Variants in LARP1B observed in about 807,000 individuals in gnomAD.
LARP1B encodes la-related protein 1B.
LARP1B carries 76 observed loss-of-function variants against 114.2 expected under a neutral mutation model. The ratio of observed to expected loss-of-function variants is 0.67; its 90% CI spans 0.55 to 0.81. The LOEUF is 0.81. Ranked by LOEUF, LARP1B falls within the 30% of genes least tolerant of loss-of-function variation. The probability of loss-of-function intolerance (pLI) is 0.00; values close to 1 mark genes in which losing one functional copy is unlikely to be tolerated. For synonymous variants in LARP1B, 345 were observed against 348.0 expected, an observed-to-expected ratio of 0.99 and a Z score of 0.10; for missense variants, 1,014 against 1,075.8, an observed-to-expected ratio of 0.94 and a Z score of 0.80.
chr4:128,200,796 T>G (rs1755700395), intron 17 of LARP1B, 131 bp downstream of exon 17: 2 of 573,390 alleles, frequency 3.5e-6, no homozygotes, highest in Non-Finnish European at 5.9e-6. Context: ...GTAGCCTGAT[T>G]TTGAACCGTG....
At chr4:128,147,511 A>G (rs967677137) in intron 11 of LARP1B, among the ~76,000 whole-genome samples, 4 of 152,228 alleles carry the variant, frequency 2.6e-5, no homozygotes, top group African/African-American at 7.2e-5. Context: ...GAAGGGGAAC[A>G]GTAAAAAAGA....
At chr4:128,199,414 G>A in intron 15 of LARP1B, 25 bp from the exon 16 acceptor site, 1 of 1,457,976 alleles carries the variant, frequency 6.9e-7, no homozygotes, top group Non-Finnish European at 9.1e-7. Context: ...TCATTTTGAA[G>A]GCTTTTTTCC....
rs958337564 is a variant in LARP1B at position 128,110,286 on chromosome 4, A to AT, written c.988+2981dup. ...ACAAGTATTAAATATATGTATCTAA[A>AT]TTTTTTTTGTTTCTAAGTAGTTTAA... On this transcript the variant is annotated intron_variant, in intron 9 of 19. Transcript: ENST00000326639. Among the ~76,000 whole-genome samples, 13 of 151,968 alleles carry AT rather than the reference A, an allele frequency of 8.6e-5. No homozygotes were observed. In the South Asian group the frequency reaches 1.9e-3, roughly 22 times the overall value.
intron 12 of LARP1B, among the ~76,000 whole-genome samples, chr4:128,176,514 G>T (rs566246827): frequency 6.6e-6 from 1 of 151,714 alleles, no homozygotes; most frequent in East Asian, 1.9e-4. Context: ...GGCTGGTCTC[G>T]AGCTGCTGAC....
intron 9 of LARP1B, among the ~76,000 whole-genome samples, chr4:128,110,534 G>A (rs536658011): frequency 5.7e-4 from 85 of 149,744 alleles, no homozygotes; most frequent in African/African-American, 2.0e-3. Flanking sequence ...AAAATTAGCC[G>A]GGCGTAGTGG....
chr4:128,202,455 A>G (rs1202474041), intron 17 of LARP1B, among the ~76,000 whole-genome samples: 2 of 152,244 alleles, frequency 1.3e-5, no homozygotes, highest in Admixed American at 6.5e-5. Flanking sequence ...CAAAACATAT[A>G]TCTTTTTATG....
intron 1 of LARP1B, among the ~76,000 whole-genome samples, chr4:128,067,246 A>G (rs935635749): frequency 1.3e-5 from 2 of 152,198 alleles, no homozygotes; most frequent in African/African-American, 2.4e-5. Flanking sequence ...TATAAATTGT[A>G]TAATTCTACA....
intron 10 of LARP1B, among the ~76,000 whole-genome samples, chr4:128,115,766 G>C (rs992196727): frequency 1.3e-5 from 2 of 152,106 alleles, no homozygotes; most frequent in East Asian, 3.9e-4. Context: ...AGAGAGTCTT[G>C]TGCCTCAGCC....
chr4:128,196,248 C>CAAAAAAAAAAAAAAAAAA (rs35423896), intron 15 of LARP1B, among the ~76,000 whole-genome samples: 1 of 88,596 alleles, frequency 1.1e-5, no homozygotes, highest in East Asian at 3.4e-4. Flanking sequence ...GAGAGTCTGT[C>CAAAAAAAAAAAAAAAAAA]AAAAAAAAAA....
intron 19 of LARP1B, 124 bp from the exon 20 acceptor site, chr4:128,209,732 A>T: frequency 1.3e-6 from 1 of 758,410 alleles, no homozygotes; most frequent in Middle Eastern, 3.9e-4. Flanking sequence ...AAAAAAAAAA[A>T]AAAAAAAAAA....
intron 5 of LARP1B, among the ~76,000 whole-genome samples, chr4:128,087,296 G>C (rs1773996081): frequency 6.6e-6 from 1 of 152,182 alleles, no homozygotes; most frequent in Non-Finnish European, 1.5e-5. Flanking sequence ...AATAGGATGA[G>C]CATTTGTTTT....
chr4:128,197,978 G>A (rs140240056), intron 15 of LARP1B, among the ~76,000 whole-genome samples: 2,689 of 142,506 alleles, frequency 0.019, 62 homozygotes, highest in East Asian at 0.12. Context: ...TCCGCTGCCC[G>A]GGTTCAAGTG....
At chr4:128,062,027 T>TCGCCGTTGC (rs1157681538) in intron 1 of LARP1B, 7 of 984,844 alleles carry the variant, frequency 7.1e-6, no homozygotes, top group East Asian at 1.1e-4. Flanking sequence ...GCCGCCGCCG[T>TCGCCGTTGC]CGCCGTTGCC....
chr4:128,155,979 C>G, intron 11 of LARP1B: 1 of 1,542,556 alleles, frequency 6.5e-7, no homozygotes, highest in East Asian at 2.2e-5. Flanking sequence ...CCCCCTGCCG[C>G]CCTGTACCTT....
At chr4:128,101,635 A>G (rs1451534874) in intron 8 of LARP1B, among the ~76,000 whole-genome samples, 1 of 146,332 alleles carries the variant, frequency 6.8e-6, no homozygotes, top group Non-Finnish European at 1.5e-5. Flanking sequence ...TTATTTATTT[A>G]CTTATTTATT....
intron 11 of LARP1B, among the ~76,000 whole-genome samples, chr4:128,134,252 T>C (rs781127530): frequency 3.9e-5 from 6 of 152,114 alleles, no homozygotes; most frequent in African/African-American, 7.2e-5. Flanking sequence ...CCTTCCATCT[T>C]GGCCTTGCAA....
At chr4:128,136,861 C>G (rs1042740146) in intron 11 of LARP1B, among the ~76,000 whole-genome samples, 18 of 152,230 alleles carry the variant, frequency 1.2e-4, no homozygotes, top group African/African-American at 4.3e-4. Context: ...CTTGCCCTCC[C>G]AAAGTGTTGG....
intron 18 of LARP1B, chr4:128,206,901 G>A: frequency 1.1e-6 from 1 of 898,412 alleles, no homozygotes; most frequent in South Asian, 5.1e-5. Context: ...GGGACAGACT[G>A]CTAGGTGCAA....
intron 5 of LARP1B, among the ~76,000 whole-genome samples, 200 bp from the exon 6 acceptor site, chr4:128,090,801 C>T (rs1028676265): frequency 6.6e-6 from 1 of 152,006 alleles, no homozygotes; most frequent in Non-Finnish European, 1.5e-5. Context: ...GTGTCAGTAC[C>T]TTTTAGGCTC....
Sources: allele counts gnomAD v4.1 joint callset (sites outside exome capture counted in the v4.1 genomes callset), GRCh38; gene constraint gnomAD v4.1.1; transcripts MANE v1.5; gene names NCBI Gene and HGNC (gene_info 2026-07-23, HGNC 2026-07-21).